The following NAALADL2 variants were observed in gnomAD, a reference collection of about 807,000 sequenced individuals.
The protein encoded by NAALADL2 is inactive N-acetylated-alpha-linked acidic dipeptidase-like protein 2.
A neutral mutation model predicts 87.2 loss-of-function variants in NAALADL2; 76 were observed. The ratio of observed to expected loss-of-function variants is 0.87; its 90% CI spans 0.72 to 1.05. NAALADL2 has a LOEUF of 1.05. NAALADL2 is among the 50% of genes least tolerant of loss of function. NAALADL2 has a pLI of 0.00. For missense variants in NAALADL2, 1,089 were observed against 945.8 expected (o/e 1.15, Z -1.99); for synonymous variants, 354 against 331.0 (o/e 1.07, Z -0.75).
At chr3:175,577,289 T>G (rs1719041257) in intron 10 of NAALADL2, among the ~76,000 whole-genome samples, 1 of 152,204 alleles carries the variant, frequency 6.6e-6, no homozygotes, top group South Asian at 2.1e-4. Context: ...AGACTATGCC[T>G]GTAGAGGGTT....
chr3:175,287,610 C>T (rs1221536387), intron 4 of NAALADL2, among the ~76,000 whole-genome samples: 3 of 152,148 alleles, frequency 2.0e-5, no homozygotes, highest in African/African-American at 7.2e-5. Context: ...AGAGTGTGTG[C>T]TCTTACCCAC....
intron 1 of NAALADL2, among the ~76,000 whole-genome samples, chr3:174,463,939 T>A (rs1716369212): frequency 6.6e-6 from 1 of 152,132 alleles, no homozygotes; most frequent in Non-Finnish European, 1.5e-5. Context: ...TTCAGATTTT[T>A]AAATTTGCTT....
intron 1 of NAALADL2, among the ~76,000 whole-genome samples, chr3:174,987,209 A>G (rs956023340): frequency 1.3e-5 from 2 of 152,192 alleles, no homozygotes; most frequent in Non-Finnish European, 2.9e-5. Context: ...TACATGCTTA[A>G]TAAAAAACGA....
In NAALADL2 at chr3:175,459,380, G is replaced by A. The variant is rs78312031; in HGVS notation, c.1235-4021G>A. 3.1e-3 allele frequency among the ~76,000 whole-genome samples: 465 copies of A among 152,058 alleles called. 5 individuals are homozygous for A. Among genetic ancestry groups the A allele is most frequent in the East Asian group, 0.014 (74 of 5,164 alleles). The stretch of plus-strand genomic sequence containing the variant: ...AACTGAAGAATAAATTCAAGAGCTA[G>A]AAGATCAGATTGACCTTCTAGATCC... On this transcript the variant is annotated intron_variant, in intron 6 of 13. Transcript: ENST00000454872.
intron 5 of NAALADL2, among the ~76,000 whole-genome samples, chr3:175,391,935 C>A (rs1029594453): frequency 3.9e-5 from 6 of 152,054 alleles, no homozygotes; most frequent in Admixed American, 3.9e-4. Flanking sequence ...AAGCATTGTT[C>A]TAAGTGTTTC....
At chr3:175,701,206 T>A (rs896483984) in intron 11 of NAALADL2, among the ~76,000 whole-genome samples, 3 of 152,100 alleles carry the variant, frequency 2.0e-5, no homozygotes, top group Non-Finnish European at 4.4e-5. Flanking sequence ...GGAGGTGGGC[T>A]AACAAGAAGT....
chr3:175,394,794 C>T (rs1407124644), intron 5 of NAALADL2, among the ~76,000 whole-genome samples: 4 of 152,288 alleles, frequency 2.6e-5, no homozygotes, highest in African/African-American at 9.6e-5. Flanking sequence ...TCCATATTTA[C>T]TAAGCACTAA....
At position 175,284,702 on chromosome 3, in the gene NAALADL2, T is replaced by C. The variant is rs533616683; in HGVS notation, c.939+28172T>C. ...CAGATAGGAAAAGAAATTAAAATAA[T>C]AATTAAATTACATAACTAAATTAAA... On this transcript the variant is annotated intron_variant, in intron 4 of 13. Coordinates refer to ENST00000454872, the MANE Select transcript of NAALADL2 (RefSeq NM_207015.3). 8.5e-5 allele frequency among the ~76,000 whole-genome samples: 13 copies of C among 152,234 alleles called. 1 individual carries two copies. The South Asian group carries it at 2.7e-3, about 32-fold the overall frequency.
intron 1 of NAALADL2, among the ~76,000 whole-genome samples, chr3:174,948,135 AAT>A (rs1226873361): frequency 1.3e-5 from 2 of 151,672 alleles, no homozygotes; most frequent in African/African-American, 4.9e-5. Context: ...CTTACACATA[AAT>A]ATATTCATGG....
chr3:175,409,069 C>T (rs1315131222), intron 5 of NAALADL2, among the ~76,000 whole-genome samples: 1 of 151,890 alleles, frequency 6.6e-6, no homozygotes, highest in East Asian at 1.9e-4. Context: ...TATATAGCCA[C>T]TATTGTATTT....
chr3:175,670,358 A>G (rs1259037048), intron 11 of NAALADL2, among the ~76,000 whole-genome samples: 1 of 149,282 alleles, frequency 6.7e-6, no homozygotes, highest in Non-Finnish European at 1.5e-5. Flanking sequence ...CTTTCACTTT[A>G]CTTTTTGTAT....
chr3:175,448,600 A>G (rs137932988), intron 6 of NAALADL2, among the ~76,000 whole-genome samples: 95 of 152,294 alleles, frequency 6.2e-4, no homozygotes, highest in Non-Finnish European at 1.2e-3. Context: ...GGAAGCCTCT[A>G]TGTCTGCAGC....
In NAALADL2 at chr3:175,453,941, G is replaced by A. The variant is rs534081742; in HGVS notation, c.1234+6569G>A. 1.0e-3 allele frequency among the ~76,000 whole-genome samples: 152 copies of A among 152,018 alleles called. 3 individuals carry two copies. In the South Asian group the frequency reaches 0.017, roughly 17 times the overall value. ...TACATTCAAATATATCATACCTTCCGGAATAGCTGAACCACTTATCACATG... is the reference window on the plus strand; with the variant it reads ...TACATTCAAATATATCATACCTTCCAGAATAGCTGAACCACTTATCACATG... On this transcript the variant is annotated intron_variant, in intron 6 of 13. Coordinates refer to ENST00000454872, the MANE Select transcript of NAALADL2 (RefSeq NM_207015.3).
intron 9 of NAALADL2, among the ~76,000 whole-genome samples, chr3:175,564,890 G>A (rs1451812277): frequency 1.3e-5 from 2 of 152,204 alleles, no homozygotes; most frequent in South Asian, 2.1e-4. Context: ...TCTATATGTA[G>A]TTTGCAATTT....
At chr3:174,969,236 T>C (rs930218085) in intron 1 of NAALADL2, among the ~76,000 whole-genome samples, 1 of 152,138 alleles carries the variant, frequency 6.6e-6, no homozygotes, top group African/African-American at 2.4e-5. Flanking sequence ...ATTCCATCCT[T>C]CATGTTATCT....
intron 11 of NAALADL2, among the ~76,000 whole-genome samples, chr3:175,637,911 C>T (rs555136635): frequency 6.6e-6 from 1 of 152,114 alleles, no homozygotes; most frequent in East Asian, 1.9e-4. Context: ...CATATTTAGG[C>T]ACCTATAGAG....
intron 3 of NAALADL2, among the ~76,000 whole-genome samples, chr3:174,742,633 A>G (rs1733869470): frequency 6.6e-6 from 1 of 151,736 alleles, no homozygotes; most frequent in Non-Finnish European, 1.5e-5. Flanking sequence ...CTCTATTTAA[A>G]CAAAATTACA....
At chr3:174,816,552 TTA>T (rs1720845555) in intron 3 of NAALADL2, among the ~76,000 whole-genome samples, 2 of 146,688 alleles carry the variant, frequency 1.4e-5, no homozygotes, top group Admixed American at 7.1e-5. Flanking sequence ...TATATATAAA[TTA>T]TGTTATGTAA....
chr3:175,098,437 G>A (rs1721527657), intron 2 of NAALADL2, among the ~76,000 whole-genome samples: 1 of 152,080 alleles, frequency 6.6e-6, no homozygotes, highest in African/African-American at 2.4e-5. Flanking sequence ...ACAAAATGGA[G>A]CCATTACTAA....
Sources: allele counts gnomAD v4.1 joint callset (sites outside exome capture counted in the v4.1 genomes callset), GRCh38; gene constraint gnomAD v4.1.1; transcripts MANE v1.5; gene names NCBI Gene and HGNC (gene_info 2026-07-23, HGNC 2026-07-21).